The following LMBR1 variants were observed in gnomAD, a reference collection of about 807,000 sequenced individuals.
The protein encoded by LMBR1 is limb region 1 protein homolog.
LMBR1 carries 52 observed loss-of-function variants against 73.9 expected under a neutral mutation model. That is an observed-to-expected ratio of 0.70 (90% CI 0.56 to 0.89). The LOEUF (loss-of-function observed/expected upper bound fraction) is 0.89, where lower values mean the gene tolerates loss of function less well. LMBR1 is among the 40% of genes least tolerant of loss of function. LMBR1 has a pLI of 0.00. For synonymous variants in LMBR1, 215 were observed against 209.4 expected, an observed-to-expected ratio of 1.03 and a Z score of -0.23; for missense variants, 539 against 579.8, an observed-to-expected ratio of 0.93 and a Z score of 0.72.
chr7:156,701,045 T>C (rs1269300694), intron 15 of LMBR1, among the ~76,000 whole-genome samples: 3 of 152,116 alleles, frequency 2.0e-5, no homozygotes, highest in Non-Finnish European at 2.9e-5. Context: ...TTTACTATTA[T>C]GAAAACAGCA....
intron 1 of LMBR1, among the ~76,000 whole-genome samples, chr7:156,837,391 G>A (rs1586137083): frequency 7.0e-6 from 1 of 142,432 alleles, no homozygotes; most frequent in African/African-American, 2.6e-5. Flanking sequence ...TAGTCAATTA[G>A]CCCCATTTAA....
chr7:156,786,278 AGGAAGGAAGGAGGGAG>A (rs975173223), intron 5 of LMBR1, among the ~76,000 whole-genome samples: 3 of 146,834 alleles, frequency 2.0e-5, no homozygotes, highest in Middle Eastern at 3.2e-3. Flanking sequence ...GAAGGAGGGA[AGGAAGGAAGGAGGGAG>A]GGGAAAAAAG....
intron 9 of LMBR1, among the ~76,000 whole-genome samples, chr7:156,756,034 T>C (rs1394244543): frequency 6.6e-6 from 1 of 152,232 alleles, no homozygotes; most frequent in Non-Finnish European, 1.5e-5. Context: ...ACCTATACTA[T>C]CTGTTAAACT....
chr7:156,836,810 T>G lies in LMBR1; in HGVS notation c.139+3A>C. The G allele has an allele frequency of 1.3e-6, 2 of 1,560,600 alleles. No individual in the cohort carries two copies. Among genetic ancestry groups the G allele is most frequent in the Non-Finnish European group, 1.7e-6 (2 of 1,145,342 alleles). On this transcript the variant is annotated splice_donor_region_variant and intron_variant, in intron 2 of 16. Coordinates refer to ENST00000353442, the MANE Select transcript of LMBR1 (RefSeq NM_022458.4). The stretch of plus-strand genomic sequence containing the variant: ...AGGTTTTAATTGACATGTTTCCACT[T>G]GCCTGATTTTCTCTTGTATCTTGTG...
At chr7:156,763,527 A>C in intron 6 of LMBR1, 142 bp downstream of exon 6, 2 of 637,732 alleles carry the variant, frequency 3.1e-6, no homozygotes, top group Non-Finnish European at 4.8e-6. Flanking sequence ...AAAATATCTA[A>C]AGATTTCTTA....
chr7:156,867,889 A>G (rs1466435886), intron 1 of LMBR1, among the ~76,000 whole-genome samples: 1 of 152,202 alleles, frequency 6.6e-6, no homozygotes, highest in Non-Finnish European at 1.5e-5. Context: ...TATGCTAAAA[A>G]CTACCGAATT....
At chr7:156,864,995 C>CAA (rs1183278800) in intron 1 of LMBR1, among the ~76,000 whole-genome samples, 4,850 of 95,090 alleles carry the variant, frequency 0.051, 138 homozygotes, top group Non-Finnish European at 0.062. Flanking sequence ...GACTCTGTCT[C>CAA]AAAAAAAAAA....
rs143423425 is a variant in LMBR1, at chr7:156,837,498, C to A, written c.67-613G>T. On this transcript the variant is annotated intron_variant, in intron 1 of 16. Coordinates refer to ENST00000353442, the MANE Select transcript of LMBR1 (RefSeq NM_022458.4). ...TCATGTGGAAATGTGAAGAATCAGA[C>A]CATCACCACTGACAACTCTGAAAAA... 1.1e-3 allele frequency among the ~76,000 whole-genome samples: 162 copies of A among 150,012 alleles called. 2 individuals are homozygous for A. The highest frequency in any genetic ancestry group is 3.7e-3 in the African/African-American group (151 of 40,998).
chr7:156,824,847 T>TAAAA (rs756011629), intron 4 of LMBR1, among the ~76,000 whole-genome samples: 1 of 89,544 alleles, frequency 1.1e-5, no homozygotes, highest in Non-Finnish European at 2.5e-5. Flanking sequence ...CCTGTCTCAA[T>TAAAA]AAAAAAAAAA....
intron 15 of LMBR1, among the ~76,000 whole-genome samples, chr7:156,694,224 A>C (rs1414575008): frequency 6.6e-6 from 1 of 152,124 alleles, no homozygotes; most frequent in African/African-American, 2.4e-5. Context: ...GCAGAGCCTC[A>C]GCCTCCTGGC....
chr7:156,744,166 T>C (rs1362513512), intron 9 of LMBR1, among the ~76,000 whole-genome samples: 1 of 152,058 alleles, frequency 6.6e-6, no homozygotes, highest in Non-Finnish European at 1.5e-5. Context: ...ACCTCCCGAG[T>C]AGCTGGGACT....
chr7:156,860,462 G>T lies in LMBR1; in HGVS notation c.67-23577C>A, dbSNP rs563092655. Among the ~76,000 whole-genome samples, 47 of 152,268 alleles carry T rather than the reference G, an allele frequency of 3.1e-4. 1 individual carries two copies. In the Middle Eastern group the frequency reaches 0.02, roughly 66 times the overall value. On this transcript the variant is annotated intron_variant, in intron 1 of 16. Transcript: ENST00000353442. ...GAGAATTGTGGGAGCTACAATTCAAGATGAGATTTGGTAGGGGACACAGCC... is the reference window on the plus strand; with the variant it reads ...GAGAATTGTGGGAGCTACAATTCAATATGAGATTTGGTAGGGGACACAGCC...
intron 1 of LMBR1, among the ~76,000 whole-genome samples, chr7:156,849,328 T>C (rs1465396649): frequency 6.6e-6 from 1 of 152,046 alleles, no homozygotes; most frequent in South Asian, 2.1e-4. Flanking sequence ...CACATGGACA[T>C]AGGGAACAAG....
At chr7:156,808,625 C>T (rs1170175789) in intron 4 of LMBR1, among the ~76,000 whole-genome samples, 1 of 151,978 alleles carries the variant, frequency 6.6e-6, no homozygotes, top group African/African-American at 2.4e-5. Flanking sequence ...TTTTTGTTTT[C>T]TATTTGCCCC....
At chr7:156,837,954 T>C (rs971650718) in intron 1 of LMBR1, among the ~76,000 whole-genome samples, 1 of 152,046 alleles carries the variant, frequency 6.6e-6, no homozygotes, top group Admixed American at 6.6e-5. Flanking sequence ...GCCTGGCTAA[T>C]TCTTGTATTT....
In LMBR1 at chr7:156,679,161, G is replaced by C. The variant is rs1344796348; in HGVS notation, c.*4917C>G. ...GCTTTCTCAGTGGCGTTCCTTGTCG[G>C]TAAAATGCAGATGTGTATTTTCGGC... is the stretch of plus-strand genomic sequence containing the variant. On this transcript the variant is annotated 3_prime_UTR_variant, in exon 17 of 17. Coordinates refer to ENST00000353442, the MANE Select transcript of LMBR1 (RefSeq NM_022458.4). 2 of 152,188 alleles carry C rather than the reference G, an allele frequency of 1.3e-5. No individual in the cohort carries two copies. Among genetic ancestry groups the C allele is most frequent in the African/African-American group, 4.8e-5 (2 of 41,414 alleles). 9.4% of individuals were successfully genotyped at this position (152,188 alleles called of 1,614,324 possible).
At chr7:156,731,889 A>T (rs1246175931) in intron 10 of LMBR1, among the ~76,000 whole-genome samples, 3 of 151,080 alleles carry the variant, frequency 2.0e-5, no homozygotes, top group African/African-American at 7.3e-5. Context: ...GCACAGGCAC[A>T]TATACAATGA....
At position 156,866,979 on chromosome 7, in the gene LMBR1, C is replaced by T. The variant is rs1288770149; in HGVS notation, c.66+25949G>A. Among the ~76,000 whole-genome samples, 7 of 152,178 alleles carry T rather than the reference C, an allele frequency of 4.6e-5. No homozygotes were observed. In the East Asian group the frequency reaches 7.7e-4, roughly 17 times the overall value. ...GCGTGAGACCTTCGTCATGACCTCC[C>T]GGTTCCACTTTGTTTGGGTCGGATG... On this transcript the variant is annotated intron_variant, in intron 1 of 16. Coordinates refer to ENST00000353442, the MANE Select transcript of LMBR1 (RefSeq NM_022458.4).
intron 4 of LMBR1, among the ~76,000 whole-genome samples, chr7:156,806,035 T>C (rs1831998732): frequency 6.6e-6 from 1 of 152,158 alleles, no homozygotes; most frequent in Non-Finnish European, 1.5e-5. Flanking sequence ...CCTCCAGAAC[T>C]GTAAAAAATA....
Sources: allele counts gnomAD v4.1 joint callset (sites outside exome capture counted in the v4.1 genomes callset), GRCh38; gene constraint gnomAD v4.1.1; transcripts MANE v1.5; gene names NCBI Gene and HGNC (gene_info 2026-07-23, HGNC 2026-07-21).